Variants in LRMDA observed in about 807,000 individuals in gnomAD.
LRMDA encodes the protein leucine rich melanocyte differentiation associated.
Under a neutral mutation model 29.8 loss-of-function variants are expected in LRMDA, and 18 were observed. The observed-to-expected ratio is 0.60, with a 90% CI of 0.42 to 0.90. The LOEUF (loss-of-function observed/expected upper bound fraction) is 0.90, where lower values mean the gene tolerates loss of function less well. LRMDA is among the 40% of genes least tolerant of loss of function. The probability of loss-of-function intolerance (pLI) is 0.00; values close to 1 mark genes in which losing one functional copy is unlikely to be tolerated. For missense variants in LRMDA, 273 were observed against 273.9 expected, an observed-to-expected ratio of 1.00 and a Z score of 0.02; for synonymous variants, 125 against 109.4, an observed-to-expected ratio of 1.14 and a Z score of -0.89.
chr10:76,158,755 G>C (rs1056517816), intron 5 of LRMDA, among the ~76,000 whole-genome samples: 1 of 152,108 alleles, frequency 6.6e-6, no homozygotes, highest in Non-Finnish European at 1.5e-5. Flanking sequence ...AATTAATTTA[G>C]TGGTAGAGTT....
Position 76,171,489 on chromosome 10 carries a change from C to T in LRMDA, c.516+112706C>T, listed in dbSNP as rs551316665. Among the ~76,000 whole-genome samples the T allele has an allele frequency of 2.4e-3, 360 of 152,304 alleles. 1 individual carries two copies. Among genetic ancestry groups the T allele is most frequent in the Non-Finnish European group, 4.2e-3 (289 of 68,036 alleles). On this transcript the variant is annotated intron_variant, in intron 5 of 6. Transcript: ENST00000611255. ...AGGGAAGGAGGCCTTTCTCCTCCTA[C>T]CTCCTGTGAGTGGTTAGGCTGGGTT...
intron 5 of LRMDA, among the ~76,000 whole-genome samples, chr10:76,106,113 G>A (rs763845757): frequency 1.3e-4 from 20 of 152,184 alleles, no homozygotes; most frequent in Non-Finnish European, 2.5e-4. Flanking sequence ...GAAACTATTA[G>A]TATAGTGCCC....
At chr10:75,569,222 C>T (rs1840407897) in intron 2 of LRMDA, among the ~76,000 whole-genome samples, 1 of 152,116 alleles carries the variant, frequency 6.6e-6, no homozygotes, top group Admixed American at 6.5e-5. Context: ...TCTGAAAGCA[C>T]ATTTATTTTA....
At chr10:76,048,812 G>T (rs569466050) in intron 4 of LRMDA, among the ~76,000 whole-genome samples, 13 of 152,212 alleles carry the variant, frequency 8.5e-5, no homozygotes, top group African/African-American at 3.1e-4. Flanking sequence ...ACTTCTTCAT[G>T]TATTTCCACA....
intron 2 of LRMDA, among the ~76,000 whole-genome samples, chr10:75,660,316 C>A (rs1369466618): frequency 6.6e-6 from 1 of 152,146 alleles, no homozygotes; most frequent in African/African-American, 2.4e-5. Context: ...AACTTCAAAA[C>A]CTAGTAATTG....
chr10:75,891,106 CA>C (rs5786197), intron 2 of LRMDA, among the ~76,000 whole-genome samples: 109,175 of 146,228 alleles, frequency 0.75, 40,512 homozygotes, highest in Middle Eastern at 0.87. Flanking sequence ...CTCAGTCTCA[CA>C]AAAAAAAAAA....
chr10:76,187,713 C>A (rs1589368603), intron 5 of LRMDA, among the ~76,000 whole-genome samples: 1 of 152,114 alleles, frequency 6.6e-6, no homozygotes, highest in East Asian at 1.9e-4. Flanking sequence ...GGGGCATGAA[C>A]CTGCCAAGAG....
In LRMDA at chr10:76,055,578, G is replaced by A. The variant is rs1292696521; in HGVS notation, c.399-3088G>A. Among the ~76,000 whole-genome samples the A allele has an allele frequency of 6.6e-5, 10 of 152,222 alleles. No homozygotes were observed. The East Asian group carries it at 1.9e-3, about 29-fold the overall frequency. On this transcript the variant is annotated intron_variant, in intron 4 of 6. Coordinates refer to ENST00000611255, the MANE Select transcript of LRMDA (RefSeq NM_001305581.2). ...GCCTGGTGGGCTGCACTTGGCTCGT[G>A]CTGCCAGTTCAGATCCCATGCCTGC...
At chr10:75,902,445 G>T (rs964474507) in intron 2 of LRMDA, among the ~76,000 whole-genome samples, 17 of 152,182 alleles carry the variant, frequency 1.1e-4, no homozygotes, top group African/African-American at 4.1e-4. Context: ...CCTTGGGCAG[G>T]GGGCTCTAGT....
chr10:76,088,429 C>T (rs987773883), intron 5 of LRMDA, among the ~76,000 whole-genome samples: 5 of 152,144 alleles, frequency 3.3e-5, no homozygotes, highest in Non-Finnish European at 7.4e-5. Flanking sequence ...AATTTGTCTA[C>T]TTTTTGGAGA....
intron 6 of LRMDA, among the ~76,000 whole-genome samples, chr10:76,492,210 T>C (rs565597924): frequency 6.6e-6 from 1 of 152,206 alleles, no homozygotes; most frequent in East Asian, 1.9e-4. Flanking sequence ...TTTTTTAAGT[T>C]CACTTTGTGA....
At chr10:75,808,358 G>A (rs957693007) in intron 2 of LRMDA, among the ~76,000 whole-genome samples, 7 of 152,286 alleles carry the variant, frequency 4.6e-5, no homozygotes, top group African/African-American at 1.2e-4. Flanking sequence ...CGTGCGTCTC[G>A]TGCATCTGTA....
chr10:76,527,884 C>A (rs897750382), intron 6 of LRMDA, among the ~76,000 whole-genome samples: 1 of 152,076 alleles, frequency 6.6e-6, no homozygotes, highest in African/African-American at 2.4e-5. Flanking sequence ...GCATCTCCTG[C>A]AATCCAGGGA....
At chr10:76,421,846 CATG>C (rs1842074761) in intron 6 of LRMDA, among the ~76,000 whole-genome samples, 1 of 152,138 alleles carries the variant, frequency 6.6e-6, no homozygotes, top group Non-Finnish European at 1.5e-5. Flanking sequence ...TCGTATGCCA[CATG>C]ATATTTCATA....
At chr10:75,698,365 A>G (rs1320867716) in intron 2 of LRMDA, among the ~76,000 whole-genome samples, 1 of 152,240 alleles carries the variant, frequency 6.6e-6, no homozygotes, top group East Asian at 1.9e-4. Flanking sequence ...CTCAGAGGCC[A>G]TAGTCCTTAC....
chr10:76,249,852 G>A (rs1852441771), intron 5 of LRMDA, among the ~76,000 whole-genome samples: 1 of 152,110 alleles, frequency 6.6e-6, no homozygotes, highest in African/African-American at 2.4e-5. Flanking sequence ...GCCCAGGCTG[G>A]AGTGCAATGG....
chr10:75,899,703 G>A (rs1008477691), intron 2 of LRMDA, among the ~76,000 whole-genome samples: 4 of 152,320 alleles, frequency 2.6e-5, no homozygotes, highest in East Asian at 1.9e-4. Flanking sequence ...GACTGATGAA[G>A]CATCCATTCA....
intron 2 of LRMDA, among the ~76,000 whole-genome samples, chr10:75,675,438 A>G (rs1841947855): frequency 6.6e-6 from 1 of 152,232 alleles, no homozygotes; most frequent in Non-Finnish European, 1.5e-5. Context: ...GAGACTTGAC[A>G]CAAGTTTGAC....
At chr10:76,538,763 C>T (rs897004848) in intron 6 of LRMDA, among the ~76,000 whole-genome samples, 4 of 152,024 alleles carry the variant, frequency 2.6e-5, no homozygotes, top group Admixed American at 1.3e-4. Flanking sequence ...CTTCTGCCCA[C>T]CTCTTCCCTC....
Sources: allele counts gnomAD v4.1 joint callset (sites outside exome capture counted in the v4.1 genomes callset), GRCh38; gene constraint gnomAD v4.1.1; transcripts MANE v1.5; gene names NCBI Gene and HGNC (gene_info 2026-07-23, HGNC 2026-07-21).